CCDC18: variants seen among roughly 807,000 people sequenced by gnomAD.
The protein encoded by CCDC18 is coiled-coil domain-containing protein 18.
In CCDC18, 157 loss-of-function variants were observed where a neutral mutation model predicts 196.0. The ratio of observed to expected loss-of-function variants is 0.80; its 90% confidence interval spans 0.70 to 0.91. The LOEUF (loss-of-function observed/expected upper bound fraction) is 0.91. Among genes scored for constraint, CCDC18 ranks in the 40% least tolerant of loss-of-function variants. The pLI is 0.00. For missense variants in CCDC18, 1,465 were observed against 1,611.6 expected, an observed-to-expected ratio of 0.91 and a Z score of 1.56; for synonymous variants, 482 against 529.2, an observed-to-expected ratio of 0.91 and a Z score of 1.22.
rs962616251 is a variant in CCDC18 at position 93,207,336 on chromosome 1, C to T, written c.1147C>T (p.Gln383Ter). Reference sequence around the variant, plus strand: ...GAATGAGCGACTAGATTTATGTCAACAAGAAATTGAAAGTTCAAGGGTAGA... The same window carrying T: ...GAATGAGCGACTAGATTTATGTCAATAAGAAATTGAAAGTTCAAGGGTAGA... ...AQNERLDLCQ[Q>*]EIESSRVELR... Residue 383 changes from glutamine (Q) to a stop codon, truncating the protein, a stop_gained, in exon 9 of 29, where the codon CAA becomes TAA. Coordinates refer to ENST00000690025, the MANE Select transcript of CCDC18 (RefSeq NM_001378204.1). LOFTEE classifies it high-confidence loss of function. 1.2e-6 allele frequency: 2 copies of T among 1,611,978 alleles called. No homozygotes were observed. Among genetic ancestry groups the T allele is most frequent in the African/African-American group, 2.7e-5 (2 of 74,858 alleles).
chr1:93,249,295 G>T (rs1166918947), intron 23 of CCDC18, among the ~76,000 whole-genome samples: 2 of 151,784 alleles, frequency 1.3e-5, no homozygotes, highest in Non-Finnish European at 2.9e-5. Flanking sequence ...GTATTTCTGT[G>T]GTATGAGTTG....
At chr1:93,190,600 G>A (rs1473903066) in intron 4 of CCDC18, 2 of 248,946 alleles carry the variant, frequency 8.0e-6, no homozygotes, top group African/African-American at 4.5e-5. Flanking sequence ...CTGGGTGATG[G>A]TTAGGGAGGT....
At chr1:93,274,882 C>T (rs1406928931) in intron 28 of CCDC18, among the ~76,000 whole-genome samples, 1 of 152,144 alleles carries the variant, frequency 6.6e-6, no homozygotes, top group Non-Finnish European at 1.5e-5. Context: ...TTCTTAAAAT[C>T]CTATCAAAGT....
At position 93,205,508 on chromosome 1, in the gene CCDC18, A is replaced by C; in HGVS notation, c.796-2A>C. 9 of 1,576,846 alleles carry C rather than the reference A, an allele frequency of 5.7e-6. No homozygotes were observed. Among genetic ancestry groups the C allele is most frequent in the Non-Finnish European group, 7.7e-6 (9 of 1,164,280 alleles). On this transcript the variant is annotated splice_acceptor_variant, in intron 7 of 28. Coordinates refer to ENST00000690025, the MANE Select transcript of CCDC18 (RefSeq NM_001378204.1). LOFTEE classifies it high-confidence loss of function. ...GTATGTCCACTTAAATTATTGTTTTAGGTTCAAGCTGAAGAAGAAATATTA... is the reference window on the plus strand; with the variant it reads ...GTATGTCCACTTAAATTATTGTTTTCGGTTCAAGCTGAAGAAGAAATATTA...
chr1:93,180,434 G>A, upstream of CCDC18: 5 of 1,287,146 alleles, frequency 3.9e-6, no homozygotes, highest in Non-Finnish European at 5.3e-6. Flanking sequence ...GACTCTGGGC[G>A]GGGCTAGCAG....
chr1:93,191,192 A>G, intron 4 of CCDC18: 1 of 419,732 alleles, frequency 2.4e-6, no homozygotes, highest in Non-Finnish European at 4.4e-6. Context: ...AGGTGGGGCT[A>G]ACCGTTTTAT....
At chr1:93,224,099 A>G (rs1323256703) in intron 16 of CCDC18, among the ~76,000 whole-genome samples, 1 of 152,152 alleles carries the variant, frequency 6.6e-6, no homozygotes, top group Non-Finnish European at 1.5e-5. Flanking sequence ...TTTATTTTTT[A>G]AAATTTCAAG....
chr1:93,247,067 G>GT lies in CCDC18; in HGVS notation c.3198+121dup, dbSNP rs1005110766. 358 of 553,164 alleles carry GT rather than the reference G, an allele frequency of 6.5e-4. 1 individual carries two copies. Among genetic ancestry groups the GT allele is most frequent in the African/African-American group, 1.9e-3 (96 of 49,970 alleles). The allele number at this position is 553,164 out of a possible 1,614,324, so 34.3% of individuals were successfully genotyped here. A position where few individuals can be genotyped will look rare whatever the true frequency, so the allele number is the denominator to read the frequency against. On this transcript the variant is annotated intron_variant, in intron 23 of 28. Transcript: ENST00000690025. ...TTTTGTTATTGTTGTTTTGTTTTTT[G>GT]TTTTTTTTGGAGACAGAGTCGTTCT...
intron 25 of CCDC18, among the ~76,000 whole-genome samples, chr1:93,257,845 T>C (rs920063350): frequency 2.0e-5 from 3 of 152,022 alleles, no homozygotes; most frequent in African/African-American, 7.2e-5. Context: ...TAAATACTTA[T>C]TTTAACCCAA....
At chr1:93,202,249 G>T (rs1421643422) in intron 7 of CCDC18, among the ~76,000 whole-genome samples, 1 of 152,158 alleles carries the variant, frequency 6.6e-6, no homozygotes, top group East Asian at 1.9e-4. Flanking sequence ...AGGATGGAAT[G>T]TGTTAACAGA....
chr1:93,258,840 A>C lies in CCDC18; in HGVS notation c.3639A>C (p.Lys1213Asn). Residue 1213 changes from lysine to asparagine, a missense_variant, in exon 26 of 29, where the codon AAA becomes AAC. By Grantham distance (94) the Lys-to-Asn change is moderately conservative. Coordinates refer to ENST00000690025, the MANE Select transcript of CCDC18 (RefSeq NM_001378204.1). ...LEARMQAEIK[K>N]LSAEVESLKE... Reference sequence around the variant, plus strand: ...CAAGAATGCAAGCAGAAATCAAGAAATTGTCAGCAGAAGTAGAATCTCTCA... The same window carrying C: ...CAAGAATGCAAGCAGAAATCAAGAACTTGTCAGCAGAAGTAGAATCTCTCA... The C allele has an allele frequency of 6.2e-7, 1 of 1,602,288 alleles. No individual in the cohort carries two copies. Among genetic ancestry groups the C allele is most frequent in the Non-Finnish European group, 8.5e-7 (1 of 1,174,876 alleles).
In CCDC18 at chr1:93,270,693, T is replaced by C; in HGVS notation, c.4232T>C (p.Leu1411Pro). 1.3e-6 allele frequency: 2 copies of C among 1,550,372 alleles called. No individual in the cohort carries two copies. The highest frequency in any genetic ancestry group is 1.7e-6 in the Non-Finnish European group (2 of 1,146,876). Residue 1411 changes from leucine (L) to proline (P), a missense_variant, in exon 28 of 29, where the codon CTA becomes CCA. Transcript: ENST00000690025. ...TCATTTAAACCTCTCACATATAACC[T>C]AGAAGCTGATAGTTCTGAGAATAAT... ...PDSFKPLTYN[L>P]EADSSENNDF...
chr1:93,207,401 A>G lies in CCDC18; in HGVS notation c.1209+3A>G. 1.9e-6 allele frequency: 3 copies of G among 1,574,598 alleles called. No homozygotes were observed. Among genetic ancestry groups the G allele is most frequent in the Non-Finnish European group, 2.6e-6 (3 of 1,158,974 alleles). ...AAAAGATTATATCCCAGTTGCCAGTAAGTATGTGTGATTACGTAATGGAAA... is the reference window on the plus strand; with the variant it reads ...AAAAGATTATATCCCAGTTGCCAGTGAGTATGTGTGATTACGTAATGGAAA... On this transcript the variant is annotated splice_donor_region_variant and intron_variant, in intron 9 of 28. Coordinates refer to ENST00000690025, the MANE Select transcript of CCDC18 (RefSeq NM_001378204.1).
rs1007175161 is a variant in CCDC18, at chr1:93,214,746, A to G, written c.1499A>G (p.Glu500Gly). The G allele has an allele frequency of 6.8e-6, 11 of 1,607,092 alleles. No individual in the cohort carries two copies. The highest frequency in any genetic ancestry group is 9.3e-6 in the Non-Finnish European group (11 of 1,176,666). ...ATTTTCCTTTTATGTTTATTAGCAG[A>G]AAGCGTAAAAGATCAAAATCAACAT... ...PVKLGGHQVAESVKDQNQHTM... is the reference protein window; with the variant it reads ...PVKLGGHQVAGSVKDQNQHTM... The change falls in exon 12 of 29, where the codon GAA becomes GGA. Residue 500 changes from glutamate to glycine, a missense_variant. Transcript: ENST00000690025.
chr1:93,239,748 G>A lies in CCDC18; in HGVS notation c.2833G>A (p.Glu945Lys), dbSNP rs1396847109. Residue 945 changes from glutamate (E) to lysine (K), a missense_variant, in exon 21 of 29, where the codon GAA becomes AAA. Coordinates refer to ENST00000690025, the MANE Select transcript of CCDC18 (RefSeq NM_001378204.1). ...ACTAACAGAAGCCTTGCAAAAACGG[G>A]AAGTACTTGAGACTGAACTACAAAA... ...TELTEALQKREVLETELQNAH... is the reference protein window; with the variant it reads ...TELTEALQKRKVLETELQNAH... 1.2e-6 allele frequency: 2 copies of A among 1,613,642 alleles called. No homozygotes were observed. The highest frequency in any genetic ancestry group is 4.5e-5 in the East Asian group (2 of 44,830).
At chr1:93,181,776 G>A (rs973733632) in intron 1 of CCDC18, among the ~76,000 whole-genome samples, 6 of 151,908 alleles carry the variant, frequency 3.9e-5, no homozygotes, top group African/African-American at 9.7e-5. Flanking sequence ...CACCACCCCC[G>A]GCTAATTTTT....
At chr1:93,271,486 T>C in intron 28 of CCDC18, 1 of 985,452 alleles carries the variant, frequency 1.0e-6, no homozygotes, top group Non-Finnish European at 1.2e-6. Flanking sequence ...ATTTAATCTG[T>C]ATCTTCAGGC....
At chr1:93,224,287 T>C (rs907592666) in intron 16 of CCDC18, among the ~76,000 whole-genome samples, 7 of 152,168 alleles carry the variant, frequency 4.6e-5, no homozygotes, top group African/African-American at 1.7e-4. Context: ...AAGGTACGGA[T>C]GTCATAATAC....
chr1:93,194,241 T>C (rs1652334763), intron 6 of CCDC18, among the ~76,000 whole-genome samples: 2 of 152,192 alleles, frequency 1.3e-5, no homozygotes, highest in Non-Finnish European at 2.9e-5. Context: ...AAATTATATC[T>C]TGAGATCAAG....
Sources: allele counts gnomAD v4.1 joint callset (sites outside exome capture counted in the v4.1 genomes callset), GRCh38; gene constraint gnomAD v4.1.1; transcripts MANE v1.5; gene names NCBI Gene and HGNC (gene_info 2026-07-23, HGNC 2026-07-21).